Variants in NEGR1 observed in about 807,000 individuals in gnomAD.
NEGR1 encodes the protein IgLON family member 4.
NEGR1 carries 10 observed loss-of-function variants against 40.9 expected under a neutral mutation model. The ratio of observed to expected loss-of-function variants is 0.24; its 90% confidence interval spans 0.15 to 0.42. The LOEUF is 0.42. Ranked by LOEUF, NEGR1 falls within the 10% of genes least tolerant of loss-of-function variation. The pLI, the probability that NEGR1 is intolerant of heterozygous loss-of-function variation, is 1.00. For synonymous variants in NEGR1, 185 were observed against 166.8 expected, an observed-to-expected ratio of 1.11 and a Z score of -0.84; for missense variants, 352 against 438.9, an observed-to-expected ratio of 0.80 and a Z score of 1.77.
At chr1:71,849,405 C>A (rs1659530484) in intron 2 of NEGR1, among the ~76,000 whole-genome samples, 1 of 152,104 alleles carries the variant, frequency 6.6e-6, no homozygotes, top group South Asian at 2.1e-4. Context: ...GATTGAATTG[C>A]TGTAATCTCA....
chr1:72,132,233 A>G (rs766143919), intron 1 of NEGR1, among the ~76,000 whole-genome samples: 30 of 152,264 alleles, frequency 2.0e-4, no homozygotes, highest in Non-Finnish European at 3.4e-4. Flanking sequence ...CTATGAAGTT[A>G]GAAATTCAAA....
At chr1:71,704,556 A>T (rs1221328771) in intron 3 of NEGR1, among the ~76,000 whole-genome samples, 2 of 151,926 alleles carry the variant, frequency 1.3e-5, no homozygotes, top group East Asian at 1.9e-4. Flanking sequence ...AAGTGTACAA[A>T]TTTTTTGAAA....
intron 2 of NEGR1, among the ~76,000 whole-genome samples, chr1:71,880,364 C>T (rs1258659722): frequency 6.6e-6 from 1 of 151,978 alleles, no homozygotes; most frequent in African/African-American, 2.4e-5. Context: ...TATTTTTATA[C>T]AGTAAAAAGT....
intron 4 of NEGR1, among the ~76,000 whole-genome samples, chr1:71,640,557 T>C (rs1007539359): frequency 6.6e-6 from 1 of 152,038 alleles, no homozygotes; most frequent in Non-Finnish European, 1.5e-5. Flanking sequence ...TCTTTTTAAA[T>C]GTGCTCACAA....
chr1:71,899,814 T>G (rs1018361667), intron 2 of NEGR1, among the ~76,000 whole-genome samples: 3 of 152,152 alleles, frequency 2.0e-5, no homozygotes, highest in African/African-American at 4.8e-5. Flanking sequence ...CTCATCCAGA[T>G]CTCATCAAAC....
intron 1 of NEGR1, among the ~76,000 whole-genome samples, chr1:72,071,798 T>C (rs1647473974): frequency 6.6e-6 from 1 of 152,128 alleles, no homozygotes; most frequent in Admixed American, 6.6e-5. Context: ...TTTTCTATGT[T>C]AGCATTTCAA....
intron 1 of NEGR1, among the ~76,000 whole-genome samples, chr1:72,020,857 G>A (rs1465214713): frequency 1.3e-5 from 2 of 152,110 alleles, no homozygotes; most frequent in Non-Finnish European, 2.9e-5. Context: ...AATTATAGTG[G>A]AAGATGTCAA....
chr1:71,467,798 AC>A (rs1384702537), intron 6 of NEGR1, among the ~76,000 whole-genome samples: 1 of 152,046 alleles, frequency 6.6e-6, no homozygotes, highest in Non-Finnish European at 1.5e-5. Flanking sequence ...TATATATAGC[AC>A]ATTTAAATTC....
chr1:72,113,639 G>A (rs1352646900), intron 1 of NEGR1, among the ~76,000 whole-genome samples: 1 of 151,574 alleles, frequency 6.6e-6, no homozygotes, highest in Admixed American at 6.6e-5. Flanking sequence ...GTGTGGTGAA[G>A]GATGGGTAAG....
intron 2 of NEGR1, among the ~76,000 whole-genome samples, chr1:71,928,541 T>C (rs1326484250): frequency 7.4e-6 from 1 of 134,310 alleles, no homozygotes; most frequent in Non-Finnish European, 1.6e-5. Flanking sequence ...TATACACATA[T>C]ATATACACAT....
chr1:72,281,347 A>G (rs1419554552), intron 1 of NEGR1, among the ~76,000 whole-genome samples: 1 of 152,194 alleles, frequency 6.6e-6, no homozygotes. Flanking sequence ...AAAAACAGTG[A>G]GAGACAATCT....
At chr1:71,842,307 C>T (rs1013922031) in intron 2 of NEGR1, among the ~76,000 whole-genome samples, 1 of 152,068 alleles carries the variant, frequency 6.6e-6, no homozygotes, top group South Asian at 2.1e-4. Context: ...AGGGGAAATC[C>T]ACTACCTATC....
intron 1 of NEGR1, among the ~76,000 whole-genome samples, chr1:72,079,952 T>C (rs1647920279): frequency 6.6e-6 from 1 of 152,136 alleles, no homozygotes; most frequent in Non-Finnish European, 1.5e-5. Flanking sequence ...TATTTGCCTA[T>C]CTGAATGAAT....
rs55674579 is a variant in NEGR1 at position 71,898,981 on chromosome 1, C to CATATATATATAT, written c.409+36086_409+36097dup. 2.2e-3 allele frequency among the ~76,000 whole-genome samples: 111 copies of CATATATATATAT among 51,274 alleles called. 1 individual carries two copies. Among genetic ancestry groups the CATATATATATAT allele is most frequent in the African/African-American group, 4.7e-3 (47 of 9,932 alleles). 33.6% of individuals were successfully genotyped at this position (51,274 alleles called of 152,430 possible). A position where few individuals can be genotyped will look rare whatever the true frequency, so the allele number is the denominator to read the frequency against. Reference sequence around the variant, plus strand: ...ATATATAGCATATATATATATATAGCATATATATATATATATATATATATA... The same window carrying CATATATATATAT: ...ATATATAGCATATATATATATATAGCATATATATATATATATATATATATATATATATATATA... On this transcript the variant is annotated intron_variant, in intron 2 of 6. Transcript: ENST00000357731.
At chr1:71,991,364 C>T (rs960325075) in intron 1 of NEGR1, among the ~76,000 whole-genome samples, 3 of 152,124 alleles carry the variant, frequency 2.0e-5, no homozygotes, top group Admixed American at 6.5e-5. Context: ...CTTACTCTCT[C>T]CCCTTTCAAC....
intron 6 of NEGR1, among the ~76,000 whole-genome samples, chr1:71,483,145 T>C (rs752281024): frequency 2.6e-5 from 4 of 151,510 alleles, no homozygotes; most frequent in Non-Finnish European, 4.4e-5. Flanking sequence ...AGCCAGTATA[T>C]TTAAGGCAAC....
intron 2 of NEGR1, among the ~76,000 whole-genome samples, chr1:71,794,929 A>G (rs1009615978): frequency 6.6e-6 from 1 of 152,092 alleles, no homozygotes; most frequent in Non-Finnish European, 1.5e-5. Context: ...TGGATAAAGA[A>G]TATGAATGCA....
At chr1:71,496,484 T>A (rs2101393861) in intron 6 of NEGR1, among the ~76,000 whole-genome samples, 1 of 152,246 alleles carries the variant, frequency 6.6e-6, no homozygotes, top group East Asian at 1.9e-4. Context: ...TTGATATCCT[T>A]TCCTTGTGGA....
chr1:72,052,727 T>A (rs930780685), intron 1 of NEGR1, among the ~76,000 whole-genome samples: 24 of 151,560 alleles, frequency 1.6e-4, no homozygotes, highest in African/African-American at 5.8e-4. Flanking sequence ...ATTGAGCTAT[T>A]AACTTTTGCA....
Sources: gnomAD v4.1 joint callset for allele counts (sites outside exome capture counted in the v4.1 genomes callset) on GRCh38, gnomAD v4.1.1 for gene constraint, MANE v1.5 for transcripts, NCBI Gene and HGNC (gene_info 2026-07-23, HGNC 2026-07-21) for gene names.